The following HSPA12A variants were observed in gnomAD, a reference collection of about 807,000 sequenced individuals.
HSPA12A encodes the protein heat shock 70 kDa protein 12A.
In HSPA12A, 28 loss-of-function variants were observed where a neutral mutation model predicts 69.2. That is an observed-to-expected ratio of 0.40 (90% CI 0.30 to 0.55). The LOEUF is 0.55. Ranked by LOEUF, HSPA12A falls within the 20% of genes least tolerant of loss-of-function variation. The pLI is 0.38. For missense variants in HSPA12A, 686 were observed against 900.7 expected, an observed-to-expected ratio of 0.76 and a Z score of 3.05; for synonymous variants, 345 against 370.5, an observed-to-expected ratio of 0.93 and a Z score of 0.79.
chr10:116,734,946 C>A (rs1006949626), intron 1 of HSPA12A, among the ~76,000 whole-genome samples: 2 of 152,010 alleles, frequency 1.3e-5, no homozygotes, highest in East Asian at 1.9e-4. Flanking sequence ...GAGCCGAGAT[C>A]GAGCCGCTGC....
At position 116,701,090 on chromosome 10, in the gene HSPA12A, C is replaced by T; in HGVS notation, c.294G>A (p.Lys98=). The change falls in exon 4 of 12, where the codon AAG becomes AAA. Residue 98 remains lysine (K), a synonymous_variant. Coordinates refer to ENST00000369209, the MANE Select transcript of HSPA12A (RefSeq NM_025015.3). ...GAGTCAGCAAGATGGTGGTTGGAGT[C>T]TTCTGATTGGACACACCAGGGTCAC... ...EGGDPGVSNQ[K]TPTTILLTPE... is the part of the protein sequence containing the mutation. 2 of 1,614,138 alleles carry T rather than the reference C, an allele frequency of 1.2e-6. No homozygotes were observed. Among genetic ancestry groups the T allele is most frequent in the Non-Finnish European group, 1.7e-6 (2 of 1,180,014 alleles).
intron 1 of HSPA12A, among the ~76,000 whole-genome samples, chr10:116,729,286 C>G (rs1315911519): frequency 6.6e-6 from 1 of 152,094 alleles, no homozygotes. Context: ...ATCATTGGGT[C>G]GACCCTGAAA....
intron 2 of HSPA12A, among the ~76,000 whole-genome samples, chr10:116,795,104 A>G (rs191353649): frequency 1.4e-3 from 215 of 152,170 alleles, no homozygotes; most frequent in Middle Eastern, 0.01. Context: ...AGCAAAATAA[A>G]CCCAAACATT....
intron 1 of HSPA12A, among the ~76,000 whole-genome samples, chr10:116,849,057 T>C (rs867250966): frequency 2.1e-4 from 32 of 151,958 alleles, no homozygotes; most frequent in African/African-American, 7.7e-4. Context: ...AGCCCCTACA[T>C]CCCTCCCCCA....
intron 2 of HSPA12A, among the ~76,000 whole-genome samples, chr10:116,748,760 A>G (rs1851706068): frequency 6.6e-6 from 1 of 152,188 alleles, no homozygotes; most frequent in South Asian, 2.1e-4. Context: ...AGACATATTC[A>G]CTACACAAGA....
intron 2 of HSPA12A, among the ~76,000 whole-genome samples, chr10:116,754,698 A>G (rs1207283821): frequency 6.6e-6 from 1 of 152,228 alleles, no homozygotes; most frequent in Non-Finnish European, 1.5e-5. Context: ...GAACAGAATG[A>G]CCGATCTTGT....
chr10:116,739,784 C>T (rs1851423849), intron 1 of HSPA12A, among the ~76,000 whole-genome samples: 1 of 152,144 alleles, frequency 6.6e-6, no homozygotes, highest in Non-Finnish European at 1.5e-5. Flanking sequence ...TGCAAACATA[C>T]ACAAAGTAAG....
At position 116,783,101 on chromosome 10, in the gene HSPA12A, G is replaced by A. The variant is rs73382806; in HGVS notation, c.91+51834C>T. ...AATGTGTTAAACAGATACCAATCAC[G>A]TCCAGCGCACAGATGGGCAAACTGA... On this transcript the variant is annotated intron_variant, in intron 2 of 12. Transcript: ENST00000635765. Among the ~76,000 whole-genome samples, 1,385 of 152,290 alleles carry A rather than the reference G, an allele frequency of 9.1e-3. 20 individuals are homozygous for A. The highest frequency in any genetic ancestry group is 0.032 in the African/African-American group (1,314 of 41,568).
At chr10:116,781,720 C>T (rs1454301425) in intron 2 of HSPA12A, among the ~76,000 whole-genome samples, 1 of 152,226 alleles carries the variant, frequency 6.6e-6, no homozygotes, top group Admixed American at 6.5e-5. Flanking sequence ...TTTAATCAAT[C>T]TCTCAGCTGT....
At chr10:116,748,377 G>A (rs1256038074) in intron 2 of HSPA12A, among the ~76,000 whole-genome samples, 1 of 152,188 alleles carries the variant, frequency 6.6e-6, no homozygotes, top group Non-Finnish European at 1.5e-5. Flanking sequence ...CAACAGCAGT[G>A]TCCAAGAGCA....
At chr10:116,682,333 G>A (rs1475857990) in intron 7 of HSPA12A, among the ~76,000 whole-genome samples, 3 of 152,176 alleles carry the variant, frequency 2.0e-5, no homozygotes, top group Non-Finnish European at 4.4e-5. Flanking sequence ...CTGCCCCAGG[G>A]AGGAAGCTAT....
intron 2 of HSPA12A, among the ~76,000 whole-genome samples, chr10:116,818,386 C>A (rs936984421): frequency 2.0e-5 from 3 of 152,044 alleles, no homozygotes; most frequent in African/African-American, 4.8e-5. Context: ...CCCTGCTTTA[C>A]CCAGCTGCTT....
chr10:116,776,208 G>A (rs1297644749), intron 2 of HSPA12A, among the ~76,000 whole-genome samples: 1 of 152,196 alleles, frequency 6.6e-6, no homozygotes, highest in African/African-American at 2.4e-5. Context: ...TGGGACACAG[G>A]CAGGTGTCAT....
intron 2 of HSPA12A, among the ~76,000 whole-genome samples, chr10:116,825,813 A>G (rs577238161): frequency 1.1e-4 from 17 of 152,330 alleles, no homozygotes; most frequent in Non-Finnish European, 1.8e-4. Context: ...TGATATATTA[A>G]AAATCATTGA....
At chr10:116,767,036 G>T (rs909640335) in intron 2 of HSPA12A, among the ~76,000 whole-genome samples, 1 of 152,168 alleles carries the variant, frequency 6.6e-6, no homozygotes, top group African/African-American at 2.4e-5. Flanking sequence ...TGCCCCTGCA[G>T]TTCATGACCC....
chr10:116,801,068 T>G (rs1246016461), intron 2 of HSPA12A, among the ~76,000 whole-genome samples: 1 of 152,182 alleles, frequency 6.6e-6, no homozygotes, highest in Non-Finnish European at 1.5e-5. Flanking sequence ...GAGCTATGTG[T>G]TAAAGTTCTG....
intron 6 of HSPA12A, among the ~76,000 whole-genome samples, chr10:116,692,058 ATCCTAGCCC>A (rs1314422030): frequency 1.3e-5 from 2 of 152,218 alleles, no homozygotes; most frequent in Admixed American, 6.5e-5. Context: ...CAGCTTTGAA[ATCCTAGCCC>A]TGGAGACTCC....
chr10:116,792,163 C>T (rs1046559582), intron 2 of HSPA12A, among the ~76,000 whole-genome samples: 4 of 148,604 alleles, frequency 2.7e-5, no homozygotes, highest in Admixed American at 6.9e-5. Flanking sequence ...TGGGAAGCCA[C>T]GTACATGCAT....
chr10:116,675,411 C>G lies in HSPA12A; in HGVS notation c.1398G>C (p.Leu466=). The change falls in exon 12 of 12, where the codon CTG becomes CTC. Residue 466 remains leucine, a synonymous_variant. Transcript: ENST00000369209. The surrounding 1 kb of genome is among the most constrained non-coding windows in gnomAD (Gnocchi z 5.2). ...CGGTGGACACCTCGGGCTTCTGAAA[C>G]AGGTCCCCTGGAAGGGAAGAGGCAG... ...IDSIIEHLRD[L]FQKPEVSTVK... is the part of the protein sequence containing the mutation. 6.3e-7 allele frequency: 1 copy of G among 1,589,826 alleles called. No homozygotes were observed. Among genetic ancestry groups the G allele is most frequent in the Non-Finnish European group, 8.6e-7 (1 of 1,168,320 alleles).
Sources: allele counts gnomAD v4.1 joint callset (sites outside exome capture counted in the v4.1 genomes callset), GRCh38; gene constraint gnomAD v4.1.1; non-coding constraint Gnocchi (gnomAD v3.1); transcripts MANE v1.5; gene names NCBI Gene and HGNC (gene_info 2026-07-23, HGNC 2026-07-21).